PLCD1: variants seen among roughly 807,000 people sequenced by gnomAD.
PLCD1 encodes the protein 1-phosphatidylinositol 4,5-bisphosphate phosphodiesterase delta-1.
PLCD1 carries 71 observed loss-of-function variants against 87.4 expected under a neutral mutation model. That is an observed-to-expected ratio of 0.81 (90% CI 0.67 to 0.99). The LOEUF is 0.99. Ranked by LOEUF, PLCD1 falls within the 50% of genes least tolerant of loss-of-function variation. The probability of loss-of-function intolerance (pLI) is 0.00; values close to 1 mark genes in which losing one functional copy is unlikely to be tolerated. For missense variants in PLCD1, 867 were observed against 1,001.5 expected, an observed-to-expected ratio of 0.87 and a Z score of 1.81; for synonymous variants, 348 against 399.2, an observed-to-expected ratio of 0.87 and a Z score of 1.53.
At position 38,010,555 on chromosome 3, in the gene PLCD1, C is replaced by T. The variant is rs548811633; in HGVS notation, c.798G>A (p.Ala266=). The change falls in exon 6 of 15, where the codon GCG becomes GCA. Residue 266 remains alanine (A), a synonymous_variant. Transcript: ENST00000334661. The part of the protein sequence containing the change: ...ERYEPSETAK[A]QRQMTKDGFL... ...AGCCGTCCTTGGTCATCTGCCGCTGCGCCTTGGCTGGGAGGGAGGAGGCCA... is the reference window on the plus strand; with the variant it reads ...AGCCGTCCTTGGTCATCTGCCGCTGTGCCTTGGCTGGGAGGGAGGAGGCCA... The T allele has an allele frequency of 1.6e-5, 26 of 1,612,898 alleles. No homozygotes were observed. Among genetic ancestry groups the T allele is most frequent in the South Asian group, 1.4e-4 (13 of 90,946 alleles).
chr3:38,011,814 G>A (rs1003090551), intron 3 of PLCD1, 141 bp from the exon 4 acceptor site: 32 of 774,896 alleles, frequency 4.1e-5, no homozygotes, highest in Non-Finnish European at 7.0e-5. Context: ...TGTTTCAGTG[G>A]CCTCTTCAGA....
At chr3:38,022,464 G>A (rs1700249578) in intron 1 of PLCD1, among the ~76,000 whole-genome samples, 2 of 152,318 alleles carry the variant, frequency 1.3e-5, no homozygotes, top group South Asian at 4.1e-4. Context: ...CACAAGCTGG[G>A]CATACATCAG....
Position 38,009,943 on chromosome 3 carries a change from T to A in PLCD1, c.1248A>T (p.Arg416=), listed in dbSNP as rs1700042343. 1 of 1,612,684 alleles carries A rather than the reference T, an allele frequency of 6.2e-7. No individual in the cohort carries two copies. The highest frequency in any genetic ancestry group is 8.5e-7 in the Non-Finnish European group (1 of 1,179,272). ...GGCTGTTGGTGACCCCATCCAGTGG[T>A]CGGTTCAACAGCATGGGGCCCAGGA... ...HAILGPMLLN[R]PLDGVTNSLP... is the part of the protein sequence containing the mutation. Residue 416 remains arginine (R), a synonymous_variant, in exon 8 of 15, where the codon CGA becomes CGT. Transcript: ENST00000334661.
At chr3:38,023,588 G>T (rs1233260373) in intron 1 of PLCD1, among the ~76,000 whole-genome samples, 1 of 152,076 alleles carries the variant, frequency 6.6e-6, no homozygotes, top group Non-Finnish European at 1.5e-5. Context: ...TACCCACAGG[G>T]TCAGCGGTAT....
At chr3:38,012,726 A>G (rs998283161) in intron 3 of PLCD1, among the ~76,000 whole-genome samples, 22 of 152,038 alleles carry the variant, frequency 1.4e-4, no homozygotes, top group Admixed American at 9.8e-4. Context: ...CATGTTGGCT[A>G]TGCTGGTCTT....
rs766472434 is a variant in PLCD1 at position 38,008,472 on chromosome 3, G to A, written c.1888C>T (p.Arg630Trp). The A allele has an allele frequency of 2.8e-5, 45 of 1,614,046 alleles. No individual in the cohort carries two copies. The highest frequency in any genetic ancestry group is 3.4e-5 in the Non-Finnish European group (40 of 1,180,018). The change falls in exon 12 of 15, where the codon CGG becomes TGG. Residue 630 changes from arginine to tryptophan, a missense_variant. Coordinates refer to ENST00000334661, the MANE Select transcript of PLCD1 (RefSeq NM_006225.4). ...LAQGPWWARK[R>W]LNIRVISGQQ... The stretch of plus-strand genomic sequence containing the variant: ...GTCCAGCGTACCCTGATGTTGAGCC[G>A]CTTCCGTGCCCACCAGGGCCCCTGA...
intron 1 of PLCD1, chr3:38,024,371 G>A: frequency 6.2e-7 from 1 of 1,612,896 alleles, no homozygotes; most frequent in Non-Finnish European, 8.5e-7. Context: ...CCACCTTAAG[G>A]CTCCGCTCCT....
At chr3:38,011,160 C>T (rs1411357916) in intron 5 of PLCD1, 54 bp downstream of exon 5, 3 of 1,428,938 alleles carry the variant, frequency 2.1e-6, no homozygotes, top group East Asian at 4.7e-5. Flanking sequence ...CAGGGGTCTC[C>T]CAGCCCAGTG....
rs1700300488 is a variant in PLCD1 at position 38,025,564 on chromosome 3, C to G, written c.34+3942G>C. 6.6e-6 allele frequency among the ~76,000 whole-genome samples: 1 copy of G among 152,174 alleles called. No homozygotes were observed. The highest frequency in any genetic ancestry group is 1.5e-5 in the Non-Finnish European group (1 of 68,034). The stretch of plus-strand genomic sequence containing the variant: ...GGCCTGTTTGCTTCTCTCGGTTTGA[C>G]CACCAAAGTGATAATCCCCAAGGTG... On this transcript the variant is annotated intron_variant, in intron 1 of 14. Transcript: ENST00000334661. This position sits in a 1 kb window ranked among gnomAD's most constrained non-coding sequence, Gnocchi z 4.0.
chr3:38,020,324 C>T lies in PLCD1; in HGVS notation c.63G>A (p.Ala21=), dbSNP rs139499771. ...TCAGGAGCTGGCTGCCCTTCAGCAG[C>T]GCCTGTAGATCCTCATCATCCTGTA... ...HGLQDDEDLQ[A]LLKGSQLLKV... The change falls in exon 2 of 15, where the codon GCG becomes GCA. Residue 21 remains alanine, a synonymous_variant. Coordinates refer to ENST00000334661, the MANE Select transcript of PLCD1 (RefSeq NM_006225.4). 2.5e-5 allele frequency: 40 copies of T among 1,614,066 alleles called. No individual in the cohort carries two copies. The South Asian group carries it at 2.9e-4, about 12-fold the overall frequency.
At chr3:38,024,397 T>C in intron 1 of PLCD1, 1 of 1,612,814 alleles carries the variant, frequency 6.2e-7, no homozygotes, top group East Asian at 2.2e-5. Context: ...TAGAGCTCCC[T>C]GGAGCGGCTC....
Position 38,008,240 on chromosome 3 carries a change from T to C in PLCD1, c.2030A>G (p.Asn677Ser). ...AGCCCAGGCCCAGCACCTACCATTG[T>C]TGGTGATGACAGCAGTCTGGCGGCT... The part of the protein sequence containing the change: ...VASRQTAVIT[N>S]NGFNPWWDTE... The change falls in exon 13 of 15, where the codon AAC becomes AGC. Residue 677 changes from asparagine (N) to serine (S), a missense_variant. Physicochemically the swap from Asn to Ser is conservative, Grantham distance 46. Transcript: ENST00000334661. The C allele has an allele frequency of 6.2e-7, 1 of 1,614,112 alleles. No individual in the cohort carries two copies. The highest frequency in any genetic ancestry group is 8.5e-7 in the Non-Finnish European group (1 of 1,180,036).
chr3:38,023,205 C>T (rs1319044173), intron 1 of PLCD1, among the ~76,000 whole-genome samples: 1 of 152,074 alleles, frequency 6.6e-6, no homozygotes, highest in Non-Finnish European at 1.5e-5. Flanking sequence ...CAGCGATACA[C>T]AGCTACACAG....
At chr3:38,023,681 T>G (rs1210239667) in intron 1 of PLCD1, among the ~76,000 whole-genome samples, 1 of 151,782 alleles carries the variant, frequency 6.6e-6, no homozygotes, top group Non-Finnish European at 1.5e-5. Flanking sequence ...CACACCATAA[T>G]GGAATGACAG....
intron 1 of PLCD1, among the ~76,000 whole-genome samples, chr3:38,028,006 C>T (rs1700326149): frequency 6.6e-6 from 1 of 152,190 alleles, no homozygotes; most frequent in African/African-American, 2.4e-5. Context: ...CAAGCCTATG[C>T]CACAGGACTG....
In PLCD1 at chr3:38,010,579, C is replaced by T. The variant is rs1700057262; in HGVS notation, c.791-17G>A. 2 of 1,603,722 alleles carry T rather than the reference C, an allele frequency of 1.2e-6. No individual in the cohort carries two copies. The highest frequency in any genetic ancestry group is 2.7e-5 in the African/African-American group (2 of 74,684). Reference sequence around the variant, plus strand: ...GCGCCTTGGCTGGGAGGGAGGAGGCCACTGCCCGTCAGAGCCAGCCTCCAG... The same window carrying T: ...GCGCCTTGGCTGGGAGGGAGGAGGCTACTGCCCGTCAGAGCCAGCCTCCAG... On this transcript the variant is annotated splice_polypyrimidine_tract_variant and intron_variant, in intron 5 of 14. Transcript: ENST00000334661.
intron 1 of PLCD1, among the ~76,000 whole-genome samples, chr3:38,028,325 A>G (rs1700328580): frequency 6.6e-6 from 1 of 152,142 alleles, no homozygotes; most frequent in Admixed American, 6.5e-5. Context: ...AGCCTAGGCT[A>G]TTGGTGTAAA....
chr3:38,010,046 G>A lies in PLCD1; in HGVS notation c.1145C>T (p.Pro382Leu), dbSNP rs764926963. 9.9e-6 allele frequency: 16 copies of A among 1,614,182 alleles called. No individual in the cohort carries two copies. The highest frequency in any genetic ancestry group is 6.7e-5 in the Admixed American group (4 of 60,030). The part of the protein sequence containing the change: ...AIRDYAFKAS[P>L]YPVILSLENH... The stretch of plus-strand genomic sequence containing the variant: ...CTCCAGGGATAGGATGACAGGGTAG[G>A]GGGACGCCTGGAGGCCCAAGGGCAC... The change falls in exon 8 of 15, where the codon CCC (proline) becomes CTC (leucine). Residue 382 changes from proline to leucine, a missense_variant. Pro to Leu is a moderately conservative substitution (Grantham distance 98, BLOSUM62 -3). Transcript: ENST00000334661.
intron 3 of PLCD1, chr3:38,014,478 T>C (rs1442734894): frequency 6.5e-6 from 1 of 153,680 alleles, no homozygotes; most frequent in Non-Finnish European, 1.5e-5. Context: ...GTGAATATGA[T>C]GCCAAAAAAA....
Sources: gnomAD v4.1 joint callset for allele counts (sites outside exome capture counted in the v4.1 genomes callset) on GRCh38, gnomAD v4.1.1 for gene constraint, Gnocchi (gnomAD v3.1) non-coding constraint, MANE v1.5 for transcripts, NCBI Gene and HGNC (gene_info 2026-07-23, HGNC 2026-07-21) for gene names.